VDAC1: variants seen among roughly 807,000 people sequenced by gnomAD.
VDAC1 encodes voltage dependent anion channel 1, also known as non-selective voltage-gated ion channel VDAC1.
A neutral mutation model predicts 34.7 loss-of-function variants in VDAC1; 10 were observed. The observed-to-expected ratio is 0.29, with a 90% CI of 0.18 to 0.49. The LOEUF is 0.49. VDAC1 is among the 20% of genes least tolerant of loss of function. The probability of loss-of-function intolerance (pLI) is 0.99; values close to 1 mark genes in which losing one functional copy is unlikely to be tolerated. For missense variants in VDAC1, 230 were observed against 347.9 expected (o/e 0.66, Z 2.69); for synonymous variants, 130 against 136.0 (o/e 0.96, Z 0.30).
At chr5:134,016,768 G>T in the VDAC1 span, among the ~76,000 whole-genome samples, 1 of 152,236 alleles carries the variant, frequency 6.6e-6, no homozygotes, top group African/African-American at 2.4e-5. Context: ...GTGCCAGCCT[G>T]GTAGAGCTGC....
the VDAC1 span, among the ~76,000 whole-genome samples, chr5:134,114,066 C>G: frequency 2.0e-5 from 3 of 152,176 alleles, no homozygotes; most frequent in African/African-American, 4.8e-5. Flanking sequence ...GGGCCCGTCA[C>G]AGATGTGTGA....
At chr5:134,049,186 A>G in the VDAC1 span, among the ~76,000 whole-genome samples, 1 of 152,210 alleles carries the variant, frequency 6.6e-6, no homozygotes, top group African/African-American at 2.4e-5. Flanking sequence ...AATAGTATGT[A>G]TCACTGACTC....
chr5:134,065,508 T>C, the VDAC1 span, among the ~76,000 whole-genome samples: 2 of 151,480 alleles, frequency 1.3e-5, no homozygotes, highest in Non-Finnish European at 2.9e-5. Context: ...ACCCAGCCAA[T>C]TTTTGTATTT....
chr5:134,089,971 GAC>G, the VDAC1 span, among the ~76,000 whole-genome samples: 9 of 151,612 alleles, frequency 5.9e-5, no homozygotes, highest in Admixed American at 2.0e-4. Flanking sequence ...CAGCCTGGGT[GAC>G]AGAGAGAAAC....
chr5:134,078,322 AG>A, the VDAC1 span, among the ~76,000 whole-genome samples: 15 of 152,210 alleles, frequency 9.9e-5, no homozygotes, highest in African/African-American at 3.4e-4. Flanking sequence ...GGGGCAGGAC[AG>A]GGGGGAGGCG....
chr5:133,986,196 C>T lies in VDAC1; in HGVS notation c.323+4659G>A, dbSNP rs547195040. On this transcript the variant is annotated intron_variant, in intron 5 of 8. Coordinates refer to ENST00000265333, the MANE Select transcript of VDAC1 (RefSeq NM_003374.3). ...AGCTTTATTTGTGATGGATACTCAGCGTGGGTGCTGGTCCTTATTGAGGTC... is the reference window on the plus strand; with the variant it reads ...AGCTTTATTTGTGATGGATACTCAGTGTGGGTGCTGGTCCTTATTGAGGTC... 2.6e-4 allele frequency among the ~76,000 whole-genome samples: 39 copies of T among 152,270 alleles called. No homozygotes were observed. The South Asian group carries it at 7.9e-3, about 31-fold the overall frequency.
the VDAC1 span, among the ~76,000 whole-genome samples, chr5:134,093,698 C>G: frequency 6.6e-6 from 1 of 152,218 alleles, no homozygotes; most frequent in African/African-American, 2.4e-5. Context: ...GTTCTTCGAT[C>G]AGGCTCAAAG....
At chr5:134,008,762 G>A (rs1445523686), upstream of VDAC1, among the ~76,000 whole-genome samples, 1 of 152,232 alleles carries the variant, frequency 6.6e-6, no homozygotes, top group African/African-American at 2.4e-5. Flanking sequence ...AGTCATTTAT[G>A]TAAATTAATT....
the VDAC1 span, among the ~76,000 whole-genome samples, chr5:134,039,279 A>T: frequency 6.6e-6 from 1 of 152,158 alleles, no homozygotes; most frequent in African/African-American, 2.4e-5. Flanking sequence ...CCAACGAAAC[A>T]GATGATTGTT....
chr5:133,991,094 T>C lies in VDAC1; in HGVS notation c.178A>G (p.Thr60Ala). The C allele has an allele frequency of 6.2e-7, 1 of 1,614,016 alleles. No individual in the cohort carries two copies. The highest frequency in any genetic ancestry group is 1.1e-5 in the South Asian group (1 of 91,084). The part of the protein sequence containing the change: ...ETTKVTGSLE[T>A]KYRWTEYGLT... ...CCGTACTCAGTCCATCTGTACTTGG[T>C]TTCCAGACTGCCCGTCACTTTGGTG... The change falls in exon 4 of 9, where the codon ACC (threonine) becomes GCC (alanine). Residue 60 changes from threonine to alanine, a missense_variant. Thr to Ala is a moderately conservative substitution (Grantham distance 58, BLOSUM62 0). Transcript: ENST00000265333.
At chr5:134,104,127 G>A in the VDAC1 span, among the ~76,000 whole-genome samples, 2 of 147,846 alleles carry the variant, frequency 1.4e-5, no homozygotes, top group African/African-American at 2.5e-5. Context: ...GGAAACCCCC[G>A]CCCCAACCAA....
chr5:134,060,880 C>CTTTTTTTTTTTTTTTTTTTTTT, the VDAC1 span, among the ~76,000 whole-genome samples: 5 of 98,682 alleles, frequency 5.1e-5, no homozygotes, highest in South Asian at 3.5e-4. Context: ...TCTTCTTCTT[C>CTTTTTTTTTTTTTTTTTTTTTT]TTTTTTTTTT....
chr5:134,097,588 G>A, the VDAC1 span, among the ~76,000 whole-genome samples: 1 of 152,174 alleles, frequency 6.6e-6, no homozygotes, highest in East Asian at 1.9e-4. Flanking sequence ...CGGCCACCTC[G>A]GTTCACCCTG....
At chr5:134,114,269 G>C in the VDAC1 span, among the ~76,000 whole-genome samples, 2 of 152,100 alleles carry the variant, frequency 1.3e-5, no homozygotes, top group Admixed American at 6.5e-5. Context: ...GCCTCAAGCA[G>C]CCTCAAGCCC....
chr5:134,026,999 G>A, the VDAC1 span, among the ~76,000 whole-genome samples: 1 of 152,174 alleles, frequency 6.6e-6, no homozygotes, highest in Non-Finnish European at 1.5e-5. Flanking sequence ...GACTCCCAGG[G>A]GCATTTGACA....
At chr5:134,052,856 C>A in the VDAC1 span, among the ~76,000 whole-genome samples, 2 of 152,176 alleles carry the variant, frequency 1.3e-5, no homozygotes, top group Non-Finnish European at 2.9e-5. Context: ...GTGGCTCATG[C>A]CTGTAATCCC....
the VDAC1 span, among the ~76,000 whole-genome samples, chr5:134,018,141 C>T: frequency 2.0e-5 from 3 of 152,176 alleles, no homozygotes. Flanking sequence ...ATGGTGCGGG[C>T]ATCTGCTCGG....
the VDAC1 span, among the ~76,000 whole-genome samples, chr5:134,016,618 A>G: frequency 6.6e-6 from 1 of 152,202 alleles, no homozygotes; most frequent in South Asian, 2.1e-4. Context: ...TTCTGTCACC[A>G]TGGCCTCTGC....
At chr5:134,033,219 G>A in the VDAC1 span, among the ~76,000 whole-genome samples, 1 of 147,502 alleles carries the variant, frequency 6.8e-6, no homozygotes, top group African/African-American at 2.5e-5. Context: ...GTGCAATGGC[G>A]TGATGTCGGC....
Sources: allele counts gnomAD v4.1 joint callset (sites outside exome capture counted in the v4.1 genomes callset), GRCh38; gene constraint gnomAD v4.1.1; transcripts MANE v1.5; gene names NCBI Gene and HGNC (gene_info 2026-07-23, HGNC 2026-07-21).